Variants in PRR16 observed in about 807,000 individuals in gnomAD.
The protein encoded by PRR16 is protein Largen.
Under a neutral mutation model 18.2 loss-of-function variants are expected in PRR16, and 6 were observed. That is an observed-to-expected ratio of 0.33 (90% CI 0.18 to 0.65). The LOEUF (loss-of-function observed/expected upper bound fraction) is 0.65. PRR16 is among the 30% of genes least tolerant of loss of function. PRR16 has a pLI of 0.74. For missense variants in PRR16, 412 were observed against 376.6 expected (o/e 1.09, Z -0.78); for synonymous variants, 151 against 147.8 (o/e 1.02, Z -0.16).
At chr5:120,587,761 A>G (rs1201160714) in intron 1 of PRR16, among the ~76,000 whole-genome samples, 2 of 152,230 alleles carry the variant, frequency 1.3e-5, no homozygotes, top group Non-Finnish European at 2.9e-5. Context: ...TGTTATCACA[A>G]CAGCCATTCT....
chr5:120,563,451 A>G (rs773380698), intron 1 of PRR16, among the ~76,000 whole-genome samples: 3 of 152,208 alleles, frequency 2.0e-5, no homozygotes, highest in Non-Finnish European at 4.4e-5. Flanking sequence ...TCAAACCACA[A>G]TACAAAGATC....
the PRR16 span, among the ~76,000 whole-genome samples, chr5:120,721,799 T>C: frequency 2.0e-5 from 3 of 152,078 alleles, no homozygotes; most frequent in Admixed American, 1.3e-4. Context: ...GTGGCTATTA[T>C]AGTAATTCAG....
the PRR16 span, among the ~76,000 whole-genome samples, chr5:120,717,846 G>A: frequency 6.6e-6 from 1 of 152,098 alleles, no homozygotes; most frequent in Non-Finnish European, 1.5e-5. Flanking sequence ...AACAACTATT[G>A]AGGTTTGATC....
At chr5:120,786,612 A>G in the PRR16 span, among the ~76,000 whole-genome samples, 1 of 150,008 alleles carries the variant, frequency 6.7e-6, no homozygotes, top group African/African-American at 2.4e-5. Flanking sequence ...TGTAATTAAA[A>G]TATATAAATA....
At chr5:120,637,343 A>C (rs1352236732) in intron 1 of PRR16, among the ~76,000 whole-genome samples, 1 of 146,730 alleles carries the variant, frequency 6.8e-6, no homozygotes, top group Non-Finnish European at 1.5e-5. Context: ...AAAAAAAAAA[A>C]CTTGCACACA....
At chr5:120,570,446 T>C (rs2112734285) in intron 1 of PRR16, among the ~76,000 whole-genome samples, 1 of 152,306 alleles carries the variant, frequency 6.6e-6, no homozygotes, top group South Asian at 2.1e-4. Flanking sequence ...AGATGTATAA[T>C]GTAGGGACCT....
chr5:120,674,124 A>C (rs1756712497), intron 1 of PRR16, among the ~76,000 whole-genome samples: 1 of 152,128 alleles, frequency 6.6e-6, no homozygotes, highest in Non-Finnish European at 1.5e-5. Flanking sequence ...GGCCTCCTGA[A>C]ACCTCTTAAC....
rs1752166218 is a variant in PRR16, at chr5:120,549,016, TC to T, written c.159+84373del. On this transcript the variant is annotated intron_variant, in intron 1 of 1. Coordinates refer to ENST00000407149, the MANE Select transcript of PRR16 (RefSeq NM_001300783.2). The stretch of plus-strand genomic sequence containing the variant: ...ACTCATATATCCATTTGACTTCGTT[TC>T]CTATTATAAAGCCAAGTTGCCATTC... Among the ~76,000 whole-genome samples, 13 of 152,042 alleles carry T rather than the reference TC, an allele frequency of 8.6e-5. No homozygotes were observed. In the South Asian group the frequency reaches 2.7e-3, roughly 32 times the overall value.
At chr5:120,716,162 C>T in the PRR16 span, among the ~76,000 whole-genome samples, 3 of 152,094 alleles carry the variant, frequency 2.0e-5, no homozygotes, top group Admixed American at 6.6e-5. Context: ...GCTACAGTTA[C>T]TCAACATATA....
intron 1 of PRR16, among the ~76,000 whole-genome samples, chr5:120,586,938 T>C (rs953688457): frequency 2.1e-4 from 32 of 152,172 alleles, no homozygotes; most frequent in African/African-American, 6.8e-4. Flanking sequence ...GTTAGCCAAG[T>C]TGTGAATTCA....
the PRR16 span, among the ~76,000 whole-genome samples, chr5:120,784,153 GT>G: frequency 6.6e-6 from 1 of 152,138 alleles, no homozygotes; most frequent in African/African-American, 2.4e-5. Flanking sequence ...ATTGTGAGTA[GT>G]GCTGCAATAA....
chr5:120,569,881 A>G (rs937511011), intron 1 of PRR16, among the ~76,000 whole-genome samples: 2 of 152,174 alleles, frequency 1.3e-5, no homozygotes, highest in African/African-American at 4.8e-5. Flanking sequence ...AAAATTAGGG[A>G]TAAAATGAAA....
intron 1 of PRR16, among the ~76,000 whole-genome samples, chr5:120,666,368 T>C (rs1453940536): frequency 2.6e-5 from 4 of 152,232 alleles, no homozygotes; most frequent in African/African-American, 7.2e-5. Flanking sequence ...GCTGAGACAA[T>C]GGGGTTTTCT....
At chr5:120,773,977 C>T in the PRR16 span, among the ~76,000 whole-genome samples, 1 of 151,984 alleles carries the variant, frequency 6.6e-6, no homozygotes, top group Non-Finnish European at 1.5e-5. Flanking sequence ...TGCAGATTAC[C>T]ACTTACAAAA....
chr5:120,669,263 T>G (rs1447077223), intron 1 of PRR16, among the ~76,000 whole-genome samples: 1 of 152,118 alleles, frequency 6.6e-6, no homozygotes, highest in Non-Finnish European at 1.5e-5. Flanking sequence ...TTGTTTAAGT[T>G]TCTCTGAAAA....
chr5:120,488,823 T>G (rs372252452), intron 1 of PRR16, among the ~76,000 whole-genome samples: 1 of 152,228 alleles, frequency 6.6e-6, no homozygotes, highest in Non-Finnish European at 1.5e-5. Context: ...GCTTTGAATG[T>G]GTCTCCCAGA....
the PRR16 span, among the ~76,000 whole-genome samples, chr5:120,773,037 T>C: frequency 1.3e-5 from 2 of 152,166 alleles, no homozygotes; most frequent in African/African-American, 4.8e-5. Context: ...TATATAGATA[T>C]TGCTATAGCA....
At chr5:120,637,006 C>G (rs1437318920) in intron 1 of PRR16, among the ~76,000 whole-genome samples, 1 of 151,844 alleles carries the variant, frequency 6.6e-6, no homozygotes, top group African/African-American at 2.4e-5. Flanking sequence ...AGAAGATATA[C>G]AAATGGCCAA....
At chr5:120,530,196 A>G (rs921854070) in intron 1 of PRR16, among the ~76,000 whole-genome samples, 4 of 145,514 alleles carry the variant, frequency 2.7e-5, no homozygotes, top group Admixed American at 6.9e-5. Flanking sequence ...TATATAGAAT[A>G]TATATATAAT....
Sources: gnomAD v4.1 joint callset for allele counts (sites outside exome capture counted in the v4.1 genomes callset) on GRCh38, gnomAD v4.1.1 for gene constraint, MANE v1.5 for transcripts, NCBI Gene and HGNC (gene_info 2026-07-23, HGNC 2026-07-21) for gene names.